Variants in TFPT observed in about 807,000 individuals in gnomAD.
TFPT encodes the protein TCF3 fusion partner.
In TFPT, 27 loss-of-function variants were observed where a neutral mutation model predicts 28.8. The ratio of observed to expected loss-of-function variants is 0.94; its 90% confidence interval spans 0.69 to 1.29. TFPT has a LOEUF of 1.29. TFPT is among the 50% of genes most tolerant of loss of function. The probability of loss-of-function intolerance (pLI) is 0.00; values close to 1 mark genes in which losing one functional copy is unlikely to be tolerated. For synonymous variants in TFPT, 152 were observed against 142.8 expected (o/e 1.06, Z -0.46); for missense variants, 330 against 338.0 (o/e 0.98, Z 0.19).
rs1303923761 is a variant in TFPT, at chr19:54,108,098, C to A, written c.570G>T (p.Arg190=). 14 of 1,570,408 alleles carry A rather than the reference C, an allele frequency of 8.9e-6. No homozygotes were observed. Among genetic ancestry groups the A allele is most frequent in the Non-Finnish European group, 1.2e-5 (14 of 1,157,982 alleles). ...SPAPGEGPSG[R]KRRRVPRDGR... ...CATCCCGTGGCACTCGCCGCCTCTT[C>A]CGCCCACTGGGCCCCTCACCGGGGG... The change falls in exon 5 of 6, where the codon CGG becomes CGT. Residue 190 remains arginine (R), a synonymous_variant. Transcript: ENST00000391759.
chr19:54,109,793 T>A (rs2118213), intron 3 of TFPT, among the ~76,000 whole-genome samples: 2 of 126,598 alleles, frequency 1.6e-5, no homozygotes, highest in Non-Finnish European at 3.3e-5. Flanking sequence ...AGGGGGAGGA[T>A]GCCCTCCACC....
At chr19:54,111,313 C>T (rs1014443711) in intron 2 of TFPT, among the ~76,000 whole-genome samples, 43 of 151,778 alleles carry the variant, frequency 2.8e-4, no homozygotes, top group Non-Finnish European at 5.6e-4. Context: ...GAGGCCGGGG[C>T]GGGCAGATCA....
chr19:54,110,216 T>G, intron 2 of TFPT, 95 bp from the exon 3 acceptor site: 3 of 1,363,230 alleles, frequency 2.2e-6, no homozygotes, highest in Non-Finnish European at 3.1e-6. Flanking sequence ...CTCTGGAGAC[T>G]GGCCAAAGAC....
At position 54,114,688 on chromosome 19, in the gene TFPT, G is replaced by A. The variant is rs757809801; in HGVS notation, c.36C>T (p.Ala12=). The change falls in exon 2 of 6, where the codon GCC becomes GCT. Residue 12 remains alanine (A), a synonymous_variant. Coordinates refer to ENST00000391759, the MANE Select transcript of TFPT (RefSeq NM_013342.4). The part of the protein sequence containing the change: ...ELEQREGTMA[A]VGFEEFSAPP... The stretch of plus-strand genomic sequence containing the variant: ...GCGCTGAGAACTCCTCAAAGCCCAC[G>A]GCTGCCATGGTCCTGAGAGGCAGGG... 3.1e-6 allele frequency: 5 copies of A among 1,613,194 alleles called. No homozygotes were observed. The East Asian group carries it at 6.7e-5, about 22-fold the overall frequency.
intron 2 of TFPT, among the ~76,000 whole-genome samples, chr19:54,113,057 C>T (rs2073497878): frequency 8.2e-6 from 1 of 122,480 alleles, no homozygotes; most frequent in African/African-American, 3.2e-5. Context: ...GGTGCCATTG[C>T]ACTCCAGCCT....
chr19:54,114,983 G>A (rs2073580309), intron 1 of TFPT: 16 of 660,744 alleles, frequency 2.4e-5, no homozygotes, highest in Non-Finnish European at 4.0e-5. Flanking sequence ...TCTCTCCAAG[G>A]ACCCAGGGAG....
chr19:54,114,318 A>G (rs1426887982), intron 2 of TFPT, 124 bp downstream of exon 2: 4 of 1,447,024 alleles, frequency 2.8e-6, no homozygotes, highest in East Asian at 4.6e-5. Flanking sequence ...GACTGAATAT[A>G]TAAGCTAAAT....
chr19:54,107,193 G>A (rs762583038), intron 5 of TFPT, 24 bp from the exon 6 acceptor site: 14 of 1,602,134 alleles, frequency 8.7e-6, no homozygotes, highest in Non-Finnish European at 9.4e-6. Context: ...GGAACAAGGT[G>A]TTAACAGGCC....
At chr19:54,108,530 C>T in intron 3 of TFPT, 135 bp from the exon 4 acceptor site, 1 of 1,612,316 alleles carries the variant, frequency 6.2e-7, no homozygotes. Flanking sequence ...TGAGCTCTGG[C>T]ACTGGAGGCC....
intron 2 of TFPT, among the ~76,000 whole-genome samples, chr19:54,110,726 GA>G (rs1441775638): frequency 6.6e-6 from 1 of 151,366 alleles, no homozygotes; most frequent in African/African-American, 2.4e-5. Flanking sequence ...CAACACACCC[GA>G]CCCCCCTTCC....
chr19:54,107,050 T>C lies in TFPT; in HGVS notation c.762A>G (p.Ter254TrpextTer?). ...GTGGGGTCAGTTTATTGGGCATGCGTCAGTCAGAGGCTGGGCTGGCCAGGG... is the reference window on the plus strand; with the variant it reads ...GTGGGGTCAGTTTATTGGGCATGCGCCAGTCAGAGGCTGGGCTGGCCAGGG... ...YPTLASPASD[*>W] Residue 254 changes from the stop codon to tryptophan, a stop_lost, in exon 6 of 6, where the codon TGA becomes TGG. Coordinates refer to ENST00000391759, the MANE Select transcript of TFPT (RefSeq NM_013342.4). 6.2e-7 allele frequency: 1 copy of C among 1,613,398 alleles called. No homozygotes were observed. Among genetic ancestry groups the C allele is most frequent in the Non-Finnish European group, 8.5e-7 (1 of 1,179,822 alleles).
chr19:54,108,367 C>A lies in TFPT; in HGVS notation c.382G>T (p.Gly128Trp). 6.2e-7 allele frequency: 1 copy of A among 1,612,464 alleles called. No homozygotes were observed. Residue 128 changes from glycine (G) to tryptophan (W), a missense_variant, in exon 4 of 6, where the codon GGG (glycine) becomes TGG (tryptophan). Coordinates refer to ENST00000391759, the MANE Select transcript of TFPT (RefSeq NM_013342.4). ...RFLMRVLDSYGDDYRASQFTI... is the reference protein window; with the variant it reads ...RFLMRVLDSYWDDYRASQFTI... ...AACTGGCTGGCCCGGTAGTCATCCC[C>A]GTAGGAGTCCAGCACTCTCATGAGG...
rs1485693369 is a variant in TFPT at position 54,107,204 on chromosome 19, T to C, written c.643-35A>G. 1.9e-6 allele frequency: 3 copies of C among 1,584,592 alleles called. No individual in the cohort carries two copies. In the African/African-American group the frequency reaches 4.1e-5, roughly 22 times the overall value. On this transcript the variant is annotated intron_variant, in intron 5 of 5. Transcript: ENST00000391759. The stretch of plus-strand genomic sequence containing the variant: ...ATAAGGAACAAGGTGTTAACAGGCC[T>C]GGGAATCTAGAAAATCCCATCAGCT...
intron 5 of TFPT, 21 bp downstream of exon 5, chr19:54,108,004 CT>C: frequency 6.6e-7 from 1 of 1,515,302 alleles, no homozygotes; most frequent in Non-Finnish European, 8.8e-7. Context: ...AGTCCCTCCC[CT>C]TGAGTTCCCG....
At chr19:54,112,643 G>C (rs2073487002) in intron 2 of TFPT, among the ~76,000 whole-genome samples, 1 of 152,018 alleles carries the variant, frequency 6.6e-6, no homozygotes, top group African/African-American at 2.4e-5. Context: ...ACAAAAATTA[G>C]CCAGGTGTGG....
intron 1 of TFPT, 74 bp from the exon 2 acceptor site, chr19:54,114,774 C>A (rs2073570344): frequency 7.3e-7 from 1 of 1,368,258 alleles, no homozygotes; most frequent in African/African-American, 1.7e-5. Context: ...ACCAGGAGCC[C>A]AGACCCCAAC....
intron 2 of TFPT, among the ~76,000 whole-genome samples, chr19:54,113,089 A>G: frequency 1.7e-5 from 1 of 59,842 alleles, no homozygotes; most frequent in Non-Finnish European, 3.1e-5. Context: ...GCGAGACTCC[A>G]CCTCAAAAAA....
intron 2 of TFPT, among the ~76,000 whole-genome samples, chr19:54,113,952 C>T (rs1417930557): frequency 6.6e-6 from 1 of 152,182 alleles, no homozygotes; most frequent in Admixed American, 6.5e-5. Context: ...CTCAGCCTCC[C>T]AGTGCTAGGA....
At position 54,107,033 on chromosome 19, in the gene TFPT, A is replaced by C; in HGVS notation, c.*17T>G. The C allele has an allele frequency of 6.2e-7, 1 of 1,612,226 alleles. No homozygotes were observed. The highest frequency in any genetic ancestry group is 1.1e-5 in the South Asian group (1 of 90,992). On this transcript the variant is annotated 3_prime_UTR_variant, in exon 6 of 6. Coordinates refer to ENST00000391759, the MANE Select transcript of TFPT (RefSeq NM_013342.4). The stretch of plus-strand genomic sequence containing the variant: ...CGGTGGCCGGGGTGAGTGTGGGGTC[A>C]GTTTATTGGGCATGCGTCAGTCAGA...
Sources: gnomAD v4.1 joint callset for allele counts (sites outside exome capture counted in the v4.1 genomes callset) on GRCh38, gnomAD v4.1.1 for gene constraint, MANE v1.5 for transcripts, NCBI Gene and HGNC (gene_info 2026-07-23, HGNC 2026-07-21) for gene names.